Variants in NTNG2 observed in about 807,000 individuals in gnomAD.
The protein encoded by NTNG2 is netrin G2, also known as netrin-G2.
NTNG2 carries 15 observed loss-of-function variants against 47.6 expected under a neutral mutation model. The ratio of observed to expected loss-of-function variants is 0.32; its 90% CI spans 0.21 to 0.49. The LOEUF (loss-of-function observed/expected upper bound fraction) is 0.49. Ranked by LOEUF, NTNG2 falls within the 20% of genes least tolerant of loss-of-function variation. NTNG2 has a pLI of 0.99. For missense variants in NTNG2, 578 were observed against 764.6 expected (o/e 0.76, Z 2.88); for synonymous variants, 307 against 324.6 (o/e 0.95, Z 0.58).
chr9:132,178,314 C>T (rs1836639600), intron 2 of NTNG2, among the ~76,000 whole-genome samples: 1 of 152,154 alleles, frequency 6.6e-6, no homozygotes, highest in African/African-American at 2.4e-5. Flanking sequence ...CCTCCTCAGC[C>T]TCCAGTCCAC....
At position 132,242,758 on chromosome 9, in the gene NTNG2, A is replaced by T. The variant is rs1182017996; in HGVS notation, c.*647A>T. The T allele has an allele frequency of 6.6e-6, 1 of 152,024 alleles. No individual in the cohort carries two copies. The highest frequency in any genetic ancestry group is 1.5e-5 in the Non-Finnish European group (1 of 67,994). The allele number at this position is 152,024 out of a possible 1,614,324, so 9.4% of individuals were successfully genotyped here. On this transcript the variant is annotated 3_prime_UTR_variant, in exon 8 of 8. Transcript: ENST00000393229. The surrounding 1 kb of genome is among the most constrained non-coding windows in gnomAD (Gnocchi z 5.9). ...GTATTCACTGTCCCCTGCAAGGGGG[A>T]CGGGGCGGGAGCACTGGTCACCGCG...
intron 3 of NTNG2, among the ~76,000 whole-genome samples, chr9:132,217,844 A>G (rs7044056): frequency 0.11 from 16,107 of 152,238 alleles, 2,344 homozygotes; most frequent in African/African-American, 0.33. Flanking sequence ...AGTGGGGCCC[A>G]GGGGATGGGG....
intron 5 of NTNG2, among the ~76,000 whole-genome samples, chr9:132,235,119 A>G (rs1441860961): frequency 6.6e-6 from 1 of 152,120 alleles, no homozygotes; most frequent in African/African-American, 2.4e-5. Flanking sequence ...AGGGGTCAGG[A>G]AGGTAGAAGG....
intron 2 of NTNG2, among the ~76,000 whole-genome samples, chr9:132,169,822 T>A (rs902483837): frequency 6.6e-6 from 1 of 152,198 alleles, no homozygotes; most frequent in African/African-American, 2.4e-5. Flanking sequence ...ATGGCCTCGG[T>A]GATTTTCCTG....
At chr9:132,233,123 G>A (rs2854926) in intron 5 of NTNG2, 12,375 of 152,344 alleles carry the variant, frequency 0.081, 651 homozygotes, top group South Asian at 0.12. Flanking sequence ...CTGGACTTCA[G>A]ACATAGGTTG....
chr9:132,203,833 C>T (rs888063833), intron 3 of NTNG2, among the ~76,000 whole-genome samples: 10 of 152,158 alleles, frequency 6.6e-5, no homozygotes, highest in Admixed American at 1.3e-4. Flanking sequence ...CATCATCCCA[C>T]GCAAGTTCCT....
intron 3 of NTNG2, among the ~76,000 whole-genome samples, chr9:132,205,901 G>A (rs1164019330): frequency 6.6e-6 from 1 of 152,034 alleles, no homozygotes; most frequent in African/African-American, 2.4e-5. Context: ...AACATGGTAA[G>A]GTGATAAATA....
In NTNG2 at chr9:132,218,776, C is replaced by T. The variant is rs1486925150; in HGVS notation, c.858-8073C>T. On this transcript the variant is annotated intron_variant, in intron 3 of 7. Transcript: ENST00000393229. The surrounding 1 kb of genome is among the most constrained non-coding windows in gnomAD (Gnocchi z 5.4). ...CTTCCCAAAGTGCTGGGATTACAGGCGTGAGCCAACGCGCCCGGCCCCAAT... is the reference window on the plus strand; with the variant it reads ...CTTCCCAAAGTGCTGGGATTACAGGTGTGAGCCAACGCGCCCGGCCCCAAT... Among the ~76,000 whole-genome samples, 4 of 152,168 alleles carry T rather than the reference C, an allele frequency of 2.6e-5. No homozygotes were observed. Among genetic ancestry groups the T allele is most frequent in the African/African-American group, 7.2e-5 (3 of 41,440 alleles).
intron 2 of NTNG2, among the ~76,000 whole-genome samples, chr9:132,195,876 C>T (rs1210022342): frequency 6.6e-6 from 1 of 152,122 alleles, no homozygotes; most frequent in African/African-American, 2.4e-5. Context: ...AAGTGATCCT[C>T]CCACTTCTGC....
chr9:132,171,656 A>AG (rs1402711628), intron 2 of NTNG2, among the ~76,000 whole-genome samples: 2 of 152,114 alleles, frequency 1.3e-5, no homozygotes, highest in Admixed American at 6.6e-5. Flanking sequence ...TTCCTCCCCC[A>AG]GGGGGTCTGC....
At position 132,198,123 on chromosome 9, in the gene NTNG2, C is replaced by T. The variant is rs377161693; in HGVS notation, c.371C>T (p.Thr124Ile). The change falls in exon 3 of 8, where the codon ACC becomes ATC. Residue 124 changes from threonine (T) to isoleucine (I), a missense_variant. Transcript: ENST00000393229. ...RYPSPLEANITLSWNKTVELT... is the reference protein window; with the variant it reads ...RYPSPLEANIILSWNKTVELT... ...CCCAGCCCGCTGGAAGCCAACATCA[C>T]CCTTTCGTGGAACAAGACCGTGGAG... is the stretch of plus-strand genomic sequence containing the variant. The T allele has an allele frequency of 6.2e-6, 10 of 1,613,898 alleles. No individual in the cohort carries two copies. The highest frequency in any genetic ancestry group is 1.1e-5 in the South Asian group (1 of 91,090).
intron 4 of NTNG2, 23 bp from the exon 5 acceptor site, chr9:132,230,549 T>C (rs1841125176): frequency 1.3e-6 from 2 of 1,596,808 alleles, no homozygotes; most frequent in Admixed American, 3.5e-5. Flanking sequence ...GGCAGCCAGC[T>C]CACGCCCGTC....
In NTNG2 at chr9:132,226,794, A is replaced by C. The variant is rs1407035260; in HGVS notation, c.858-55A>C. On this transcript the variant is annotated intron_variant, in intron 3 of 7. Transcript: ENST00000393229. This position sits in a 1 kb window ranked among gnomAD's most constrained non-coding sequence, Gnocchi z 4.8. ...GGAGGCGCTCCTTTCCCCAGAGGCC[A>C]GGCCAGGCTGCCCACAAGCTCTCTG... 1 of 1,469,038 alleles carries C rather than the reference A, an allele frequency of 6.8e-7. No homozygotes were observed. The highest frequency in any genetic ancestry group is 1.4e-5 in the African/African-American group (1 of 70,364). The allele number at this position is 1,469,038 out of a possible 1,614,324, so 91.0% of individuals were successfully genotyped here.
At position 132,231,604 on chromosome 9, in the gene NTNG2, A is replaced by AC; in HGVS notation, c.1054+1015dup. On this transcript the variant is annotated intron_variant, in intron 5 of 7. Transcript: ENST00000393229. The surrounding 1 kb of genome is among the most constrained non-coding windows in gnomAD (Gnocchi z 4.1). ...TCTCTGTGGTGTCCCCACCCCGGCA[A>AC]CCCCCCAACCCTCTCTTGCTTTTCC... The AC allele has an allele frequency of 3.7e-6, 1 of 272,392 alleles. No individual in the cohort carries two copies. The highest frequency in any genetic ancestry group is 7.3e-6 in the Non-Finnish European group (1 of 136,356). The allele number at this position is 272,392 out of a possible 1,614,324, so 16.9% of individuals were successfully genotyped here.
Position 132,197,955 on chromosome 9 carries a change from C to T in NTNG2, c.214-11C>T, listed in dbSNP as rs1838440790. 6.2e-7 allele frequency: 1 copy of T among 1,602,984 alleles called. No homozygotes were observed. Among genetic ancestry groups the T allele is most frequent in the Non-Finnish European group, 8.5e-7 (1 of 1,173,772 alleles). ...AGCACCCACCCTTCCCTTCTCCTCT[C>T]CCCGCTGCAGGAGAATCCCTACCTA... On this transcript the variant is annotated splice_polypyrimidine_tract_variant and intron_variant, in intron 2 of 7. Transcript: ENST00000393229. This position sits in a 1 kb window ranked among gnomAD's most constrained non-coding sequence, Gnocchi z 4.3.
chr9:132,237,965 TC>T (rs1356076195), intron 5 of NTNG2, among the ~76,000 whole-genome samples: 1 of 152,162 alleles, frequency 6.6e-6, no homozygotes, highest in Non-Finnish European at 1.5e-5. Context: ...GTGCCCACCA[TC>T]TCTCCTGGGC....
chr9:132,166,344 C>T lies in NTNG2; in HGVS notation c.-483-5C>T, dbSNP rs1208587890. 2 of 169,882 alleles carry T rather than the reference C, an allele frequency of 1.2e-5. No homozygotes were observed. Among genetic ancestry groups the T allele is most frequent in the South Asian group, 1.5e-4 (1 of 6,886 alleles). 10.5% of individuals were successfully genotyped at this position (169,882 alleles called of 1,614,324 possible). A position where few individuals can be genotyped will look rare whatever the true frequency, so the allele number is the denominator to read the frequency against. On this transcript the variant is annotated splice_polypyrimidine_tract_variant and splice_region_variant and intron_variant, in intron 1 of 7. Transcript: ENST00000393229. ...TCCTGATTTTATTTTATCTTTACAACGCAGGCTGGAGGGTTGTTTTGCCGT... is the reference window on the plus strand; with the variant it reads ...TCCTGATTTTATTTTATCTTTACAATGCAGGCTGGAGGGTTGTTTTGCCGT...
intron 2 of NTNG2, among the ~76,000 whole-genome samples, chr9:132,181,950 C>T (rs1340565427): frequency 2.6e-5 from 4 of 152,178 alleles, no homozygotes; most frequent in Non-Finnish European, 5.9e-5. Flanking sequence ...TAGACGGAGG[C>T]GGCTGTCATC....
intron 3 of NTNG2, among the ~76,000 whole-genome samples, chr9:132,202,140 C>T (rs1165982342): frequency 6.6e-6 from 1 of 152,200 alleles, no homozygotes; most frequent in Non-Finnish European, 1.5e-5. Flanking sequence ...AGCGATCCCA[C>T]GGGACTCCCC....
Sources: gnomAD v4.1 joint callset for allele counts (sites outside exome capture counted in the v4.1 genomes callset) on GRCh38, gnomAD v4.1.1 for gene constraint, Gnocchi (gnomAD v3.1) non-coding constraint, MANE v1.5 for transcripts, NCBI Gene and HGNC (gene_info 2026-07-23, HGNC 2026-07-21) for gene names.